The following NOS1 variants were observed in gnomAD, a reference collection of about 807,000 sequenced individuals.
NOS1 encodes nitric oxide synthase 1.
In NOS1, 51 loss-of-function variants were observed where a neutral mutation model predicts 164.5. The observed-to-expected ratio is 0.31, with a 90% CI of 0.25 to 0.39. The LOEUF (loss-of-function observed/expected upper bound fraction) is 0.39. Ranked by LOEUF, NOS1 falls within the 10% of genes least tolerant of loss-of-function variation. The pLI is 1.00. For missense variants in NOS1, 1,362 were observed against 1,885.6 expected (o/e 0.72, Z 5.14); for synonymous variants, 719 against 745.8 (o/e 0.96, Z 0.59).
chr12:117,288,375 A>G (rs1233529016), intron 4 of NOS1, among the ~76,000 whole-genome samples, 156 bp from the exon 5 acceptor site: 1 of 152,210 alleles, frequency 6.6e-6, no homozygotes, highest in East Asian at 1.9e-4. Flanking sequence ...CTTGGTGGAT[A>G]TGATCATAGT....
chr12:117,339,517 T>C (rs941723449), intron 1 of NOS1, among the ~76,000 whole-genome samples: 1 of 152,360 alleles, frequency 6.6e-6, no homozygotes, highest in East Asian at 1.9e-4. Flanking sequence ...ACAATTCAAA[T>C]GTCAGGACTT....
Position 117,243,563 on chromosome 12 carries a change from A to ATCCC in NOS1, c.2824-129_2824-128insGGGA. 2 of 779,032 alleles carry ATCCC rather than the reference A, an allele frequency of 2.6e-6. No homozygotes were observed. Among genetic ancestry groups the ATCCC allele is most frequent in the South Asian group, 1.8e-5 (1 of 54,930 alleles). 48.3% of individuals were successfully genotyped at this position (779,032 alleles called of 1,614,324 possible). On this transcript the variant is annotated intron_variant, in intron 18 of 28. Coordinates refer to ENST00000317775, the MANE Select transcript of NOS1 (RefSeq NM_000620.5). This position sits in a 1 kb window ranked among gnomAD's most constrained non-coding sequence, Gnocchi z 4.3. ...CATCTATCCAACCATCCATCCATCC[A>ATCCC]TCCATCCATCCATCCATCCATCCAT...
At chr12:117,242,410 A>G (rs1870254691) in intron 20 of NOS1, among the ~76,000 whole-genome samples, 1 of 152,184 alleles carries the variant, frequency 6.6e-6, no homozygotes, top group Non-Finnish European at 1.5e-5. Flanking sequence ...TCCTCTTTTC[A>G]TGAGACCAAT....
Position 117,209,263 on chromosome 12 carries a change from G to A in NOS1, c.*6046C>T, listed in dbSNP as rs748121708. 2.5e-4 allele frequency: 240 copies of A among 974,572 alleles called. No homozygotes were observed. Among genetic ancestry groups the A allele is most frequent in the Non-Finnish European group, 2.9e-4 (237 of 820,070 alleles). 60.4% of individuals were successfully genotyped at this position (974,572 alleles called of 1,614,324 possible). Reference sequence around the variant, plus strand: ...TTGGGCAATGTCTGATGACATACTTGATTGTTACCGTTGGCAGGACACTGC... The same window carrying A: ...TTGGGCAATGTCTGATGACATACTTAATTGTTACCGTTGGCAGGACACTGC... On this transcript the variant is annotated 3_prime_UTR_variant, in exon 29 of 29. Transcript: ENST00000317775.
chr12:117,243,373 G>A lies in NOS1; in HGVS notation c.2886C>T (p.Leu962=). 6.2e-7 allele frequency: 1 copy of A among 1,614,160 alleles called. No homozygotes were observed. Among genetic ancestry groups the A allele is most frequent in the Non-Finnish European group, 8.5e-7 (1 of 1,180,036 alleles). ...DVNIEKANNS[L]ISNDRSWKRN... is the part of the protein sequence containing the mutation. ...TCTTCCAGCTGCGATCATTGCTGAT[G>A]AGGGAATTGTTGGCCTTTTCAATGT... Residue 962 remains leucine, a synonymous_variant, in exon 19 of 29, where the codon CTC becomes CTT. Coordinates refer to ENST00000317775, the MANE Select transcript of NOS1 (RefSeq NM_000620.5). This position sits in a 1 kb window ranked among gnomAD's most constrained non-coding sequence, Gnocchi z 4.3.
At position 117,236,541 on chromosome 12, in the gene NOS1, C is replaced by T. The variant is rs1869728055; in HGVS notation, c.3042-1783G>A. On this transcript the variant is annotated intron_variant, in intron 20 of 28. Coordinates refer to ENST00000317775, the MANE Select transcript of NOS1 (RefSeq NM_000620.5). ...TGGCCCTCCATGGGCAGACCTTGCC[C>T]TGTCTGGGAACTTGCACGACTGAGC... Among the ~76,000 whole-genome samples, 3 of 152,180 alleles carry T rather than the reference C, an allele frequency of 2.0e-5. No individual in the cohort carries two copies. In the South Asian group the frequency reaches 6.2e-4, roughly 31 times the overall value.
At chr12:117,265,851 C>T (rs1418712356) in intron 11 of NOS1, among the ~76,000 whole-genome samples, 2 of 151,628 alleles carry the variant, frequency 1.3e-5, no homozygotes, top group Non-Finnish European at 1.5e-5. Flanking sequence ...AGTGCAGTGG[C>T]GCGATCTTGG....
intron 21 of NOS1, among the ~76,000 whole-genome samples, chr12:117,232,962 G>A (rs1301124112): frequency 6.6e-6 from 1 of 151,234 alleles, no homozygotes; most frequent in Non-Finnish European, 1.5e-5. Flanking sequence ...TGAACTCCCG[G>A]GCTCAAGTAA....
At chr12:117,218,737 C>T (rs988620861) in intron 27 of NOS1, among the ~76,000 whole-genome samples, 2 of 152,112 alleles carry the variant, frequency 1.3e-5, no homozygotes, top group Admixed American at 6.5e-5. Context: ...CCCCCGGAGT[C>T]TCAAGAAACA....
At position 117,234,298 on chromosome 12, in the gene NOS1, T is replaced by G. The variant is rs1592936088; in HGVS notation, c.3235+267A>C. On this transcript the variant is annotated intron_variant, in intron 21 of 28. Transcript: ENST00000317775. This position sits in a 1 kb window ranked among gnomAD's most constrained non-coding sequence, Gnocchi z 4.3. ...AGAATGGCTACTGCTAAAGTCCGTG[T>G]CTAGTCAATGAAGGAAGGTAGCAGC... Among the ~76,000 whole-genome samples, 1 of 152,320 alleles carries G rather than the reference T, an allele frequency of 6.6e-6. No individual in the cohort carries two copies. The highest frequency in any genetic ancestry group is 1.9e-4 in the East Asian group (1 of 5,180).
intron 4 of NOS1, among the ~76,000 whole-genome samples, chr12:117,288,846 G>T (rs992838480): frequency 6.6e-6 from 1 of 152,114 alleles, no homozygotes; most frequent in African/African-American, 2.4e-5. Context: ...GAAGAGGAGA[G>T]ACCACATGGA....
intron 27 of NOS1, among the ~76,000 whole-genome samples, chr12:117,219,800 G>A (rs1317898723): frequency 6.6e-6 from 1 of 152,102 alleles, no homozygotes; most frequent in Non-Finnish European, 1.5e-5. Flanking sequence ...GGTTAGAATG[G>A]TTTCTGTCTA....
chr12:117,213,112 A>C lies in NOS1; in HGVS notation c.*2197T>G, dbSNP rs1339397119. 1 of 985,352 alleles carries C rather than the reference A, an allele frequency of 1.0e-6. No homozygotes were observed. The highest frequency in any genetic ancestry group is 1.2e-6 in the Non-Finnish European group (1 of 829,954). 61.0% of individuals were successfully genotyped at this position (985,352 alleles called of 1,614,324 possible). A position where few individuals can be genotyped will look rare whatever the true frequency, so the allele number is the denominator to read the frequency against. On this transcript the variant is annotated 3_prime_UTR_variant, in exon 29 of 29. Coordinates refer to ENST00000317775, the MANE Select transcript of NOS1 (RefSeq NM_000620.5). The stretch of plus-strand genomic sequence containing the variant: ...GAAAGGAGGTGCCTGGCACCTTGTA[A>C]GCGCTTCTAAGTATTTATTCCCTGA...
At position 117,304,996 on chromosome 12, in the gene NOS1, C is replaced by T; in HGVS notation, c.852+6470G>A. ...CAATTGCATTCTATTGCCTTTTGCCCAGTCCTTGGCAGTTGCTTTGCTGCC... is the reference window on the plus strand; with the variant it reads ...CAATTGCATTCTATTGCCTTTTGCCTAGTCCTTGGCAGTTGCTTTGCTGCC... On this transcript the variant is annotated intron_variant, in intron 3 of 28. Coordinates refer to ENST00000317775, the MANE Select transcript of NOS1 (RefSeq NM_000620.5). 3.0e-6 allele frequency: 3 copies of T among 985,316 alleles called. No individual in the cohort carries two copies. The African/African-American group carries it at 5.2e-5, about 17-fold the overall frequency. The allele number at this position is 985,316 out of a possible 1,614,324, so 61.0% of individuals were successfully genotyped here.
At chr12:117,264,640 CCT>C (rs1327898644) in intron 12 of NOS1, among the ~76,000 whole-genome samples, 10 of 134,624 alleles carry the variant, frequency 7.4e-5, no homozygotes, top group Admixed American at 1.5e-4. Context: ...CCCTTTCCCC[CCT>C]CTCCCTCTTT....
chr12:117,299,650 G>A (rs11068437), intron 3 of NOS1, among the ~76,000 whole-genome samples: 60,774 of 131,932 alleles, frequency 0.46, 14,444 homozygotes, highest in East Asian at 0.53. Context: ...AAAAAAAAAA[G>A]AAAAAAAGAA....
chr12:117,264,470 T>G (rs9658400), intron 12 of NOS1, among the ~76,000 whole-genome samples: 205 of 151,596 alleles, frequency 1.4e-3, no homozygotes, highest in African/African-American at 4.9e-3. Flanking sequence ...CTTTATTTTC[T>G]TTCTTTCTTT....
chr12:117,357,414 T>A, intron 1 of NOS1, among the ~76,000 whole-genome samples: 1 of 152,350 alleles, frequency 6.6e-6, no homozygotes, highest in East Asian at 1.9e-4. Context: ...ACCAGAAAGA[T>A]GAAATTAAAT....
rs1015963340 is a variant in NOS1 at position 117,349,135 on chromosome 12, G to A, written c.-421+12377C>T. On this transcript the variant is annotated intron_variant, in intron 1 of 28. Transcript: ENST00000317775. ...TGGTTGTTCCTTTTCCCTTCTCCTC[G>A]CCCCCTGGCAACCACTAATCTGCTT... Among the ~76,000 whole-genome samples, 17 of 152,152 alleles carry A rather than the reference G, an allele frequency of 1.1e-4. No homozygotes were observed. The South Asian group carries it at 1.2e-3, about 11-fold the overall frequency.
Sources: allele counts gnomAD v4.1 joint callset (sites outside exome capture counted in the v4.1 genomes callset), GRCh38; gene constraint gnomAD v4.1.1; non-coding constraint Gnocchi (gnomAD v3.1); transcripts MANE v1.5; gene names NCBI Gene and HGNC (gene_info 2026-07-23, HGNC 2026-07-21).